Variants in GPBP1 observed in about 807,000 individuals in gnomAD.
GPBP1 encodes GC-rich promoter binding protein 1.
In GPBP1, 13 loss-of-function variants were observed where a neutral mutation model predicts 56.5. The observed-to-expected ratio is 0.23, with a 90% confidence interval of 0.15 to 0.37. The LOEUF is 0.37. Among genes scored for constraint, GPBP1 ranks in the 10% least tolerant of loss-of-function variants. GPBP1 has a pLI of 1.00. For missense variants in GPBP1, 477 were observed against 572.3 expected (o/e 0.83, Z 1.70); for synonymous variants, 204 against 188.9 (o/e 1.08, Z -0.66).
chr5:57,201,896 C>T (rs1241421473), intron 2 of GPBP1, among the ~76,000 whole-genome samples: 2 of 152,084 alleles, frequency 1.3e-5, no homozygotes, highest in Non-Finnish European at 2.9e-5. Context: ...TACCTGGGTT[C>T]ACATTACCTA....
At chr5:57,216,842 C>G (rs1316312242) in intron 3 of GPBP1, among the ~76,000 whole-genome samples, 1 of 148,720 alleles carries the variant, frequency 6.7e-6, no homozygotes, top group African/African-American at 2.5e-5. Flanking sequence ...AACATTTTTT[C>G]AAAGCCTTTT....
chr5:57,231,755 A>G (rs1756470823), intron 5 of GPBP1, among the ~76,000 whole-genome samples: 1 of 152,164 alleles, frequency 6.6e-6, no homozygotes, highest in Admixed American at 6.6e-5. Flanking sequence ...AGTATATATG[A>G]GTGACTCTGA....
At chr5:57,177,172 C>CT (rs897019838) in intron 2 of GPBP1, among the ~76,000 whole-genome samples, 27 of 151,596 alleles carry the variant, frequency 1.8e-4, no homozygotes, top group Non-Finnish European at 3.2e-4. Flanking sequence ...GTAAGCAAAG[C>CT]TTTTTTTTAA....
chr5:57,235,871 T>C (rs1756640944), intron 5 of GPBP1, 95 bp from the exon 6 acceptor site: 2 of 876,110 alleles, frequency 2.3e-6, no homozygotes. Context: ...GAGTTGGTCA[T>C]ATTTGATTCA....
chr5:57,217,619 A>G (rs929789442), intron 3 of GPBP1, among the ~76,000 whole-genome samples: 2 of 152,202 alleles, frequency 1.3e-5, no homozygotes, highest in Non-Finnish European at 2.9e-5. Context: ...CAAGTGGTCA[A>G]AGATCTACCT....
chr5:57,237,078 G>A, intron 6 of GPBP1: 1 of 1,447,260 alleles, frequency 6.9e-7, no homozygotes, highest in Non-Finnish European at 9.5e-7. Context: ...TGTTTTTTCT[G>A]TATTGCAAAT....
At chr5:57,203,384 C>T (rs973038272) in intron 2 of GPBP1, among the ~76,000 whole-genome samples, 2 of 152,076 alleles carry the variant, frequency 1.3e-5, no homozygotes, top group African/African-American at 2.4e-5. Context: ...ACCTATACTC[C>T]TCATACTTTG....
intron 3 of GPBP1, among the ~76,000 whole-genome samples, chr5:57,223,233 C>CTA (rs1280945617): frequency 6.6e-6 from 1 of 151,970 alleles, no homozygotes; most frequent in African/African-American, 2.4e-5. Context: ...CGGGACTACA[C>CTA]GCGTGTGCCA....
chr5:57,181,927 A>G (rs565201151), intron 2 of GPBP1, among the ~76,000 whole-genome samples: 10 of 152,288 alleles, frequency 6.6e-5, no homozygotes, highest in East Asian at 1.9e-4. Context: ...ACCCATCACA[A>G]TAGTTAACAG....
At chr5:57,221,842 C>T (rs997447584) in intron 3 of GPBP1, among the ~76,000 whole-genome samples, 4 of 152,160 alleles carry the variant, frequency 2.6e-5, no homozygotes, top group African/African-American at 9.7e-5. Flanking sequence ...AAAATTCAGC[C>T]AGACTGCTAG....
chr5:57,178,334 G>A (rs1197038393), intron 2 of GPBP1, among the ~76,000 whole-genome samples: 1 of 152,030 alleles, frequency 6.6e-6, no homozygotes, highest in African/African-American at 2.4e-5. Flanking sequence ...TGCAACCTCC[G>A]CCTCCTGGGT....
chr5:57,261,021 G>A (rs1246361398), intron 10 of GPBP1, among the ~76,000 whole-genome samples, 159 bp from the exon 11 acceptor site: 1 of 152,092 alleles, frequency 6.6e-6, no homozygotes, highest in Admixed American at 6.6e-5. Context: ...TTCATTTTCA[G>A]AAAGATACTC....
At chr5:57,228,001 A>G in intron 3 of GPBP1, among the ~76,000 whole-genome samples, 1 of 152,352 alleles carries the variant, frequency 6.6e-6, no homozygotes, top group Admixed American at 6.5e-5. Context: ...TAAGGTTACT[A>G]GAAATAAAGT....
intron 2 of GPBP1, among the ~76,000 whole-genome samples, chr5:57,179,664 C>T (rs544209995): frequency 1.3e-3 from 193 of 152,158 alleles, no homozygotes; most frequent in African/African-American, 4.4e-3. Context: ...ATGGCGTGAT[C>T]TTGGCTCACT....
intron 2 of GPBP1, among the ~76,000 whole-genome samples, chr5:57,202,191 A>C (rs1258277755): frequency 6.6e-6 from 1 of 151,846 alleles, no homozygotes; most frequent in African/African-American, 2.4e-5. Flanking sequence ...CACCATGTTG[A>C]CCAGGCTGGT....
intron 6 of GPBP1, among the ~76,000 whole-genome samples, chr5:57,238,866 G>A (rs571645774): frequency 9.2e-5 from 14 of 152,204 alleles, no homozygotes; most frequent in South Asian, 6.2e-4. Flanking sequence ...AGTTCTTTTG[G>A]TTTGTTGAGC....
chr5:57,180,012 GA>G (rs34949852), intron 2 of GPBP1, among the ~76,000 whole-genome samples: 13 of 148,176 alleles, frequency 8.8e-5, no homozygotes, highest in East Asian at 2.0e-4. Flanking sequence ...GAGTGAGCAG[GA>G]AAAAAAAAAC....
At chr5:57,233,380 A>ATACTG (rs1436046773) in intron 5 of GPBP1, among the ~76,000 whole-genome samples, 2 of 152,254 alleles carry the variant, frequency 1.3e-5, no homozygotes, top group South Asian at 4.1e-4. Context: ...CTTAATAATC[A>ATACTG]TAACATTAAA....
chr5:57,230,773 A>G lies in GPBP1; in HGVS notation c.64-73A>G, dbSNP rs572668109. ...ATTTAAAATTTTTGGAAATAAGTGA[A>G]GTTGGAGTATTACTAGTTTTTAAAG... On this transcript the variant is annotated intron_variant, in intron 3 of 11. Coordinates refer to ENST00000506184, the MANE Select transcript of GPBP1 (RefSeq NM_022913.4). 9.3e-5 allele frequency: 122 copies of G among 1,308,964 alleles called. No individual in the cohort carries two copies. The African/African-American group carries it at 1.8e-3, about 19-fold the overall frequency. The allele number at this position is 1,308,964 out of a possible 1,614,324, so 81.1% of individuals were successfully genotyped here. A position where few individuals can be genotyped will look rare whatever the true frequency, so the allele number is the denominator to read the frequency against.
Sources: gnomAD v4.1 joint callset for allele counts (sites outside exome capture counted in the v4.1 genomes callset) on GRCh38, gnomAD v4.1.1 for gene constraint, MANE v1.5 for transcripts, NCBI Gene and HGNC (gene_info 2026-07-23, HGNC 2026-07-21) for gene names.